The following PTK7 variants were observed in gnomAD, a reference collection of about 807,000 sequenced individuals.
PTK7 encodes the protein inactive tyrosine-protein kinase 7.
Under a neutral mutation model 116.6 loss-of-function variants are expected in PTK7, and 39 were observed. The observed-to-expected ratio is 0.33, with a 90% confidence interval of 0.26 to 0.44. The LOEUF is 0.44. PTK7 is among the 20% of genes least tolerant of loss of function. The pLI, the probability that PTK7 is intolerant of heterozygous loss-of-function variation, is 1.00. For synonymous variants in PTK7, 546 were observed against 563.6 expected, an observed-to-expected ratio of 0.97 and a Z score of 0.44; for missense variants, 1,169 against 1,425.6, an observed-to-expected ratio of 0.82 and a Z score of 2.90.
intron 1 of PTK7, among the ~76,000 whole-genome samples, chr6:43,077,230 G>T (rs532472123): frequency 6.6e-6 from 1 of 152,246 alleles, no homozygotes; most frequent in African/African-American, 2.4e-5. Context: ...GGCCGAATCC[G>T]GGGATCCGAG....
At chr6:43,144,796 C>T (rs1770631876) in intron 15 of PTK7, 190 bp downstream of exon 15, 1 of 591,432 alleles carries the variant, frequency 1.7e-6, no homozygotes, top group South Asian at 3.3e-5. Flanking sequence ...CAGATTTTGT[C>T]ATTCCTGTGT....
chr6:43,117,805 G>A (rs931295437), intron 1 of PTK7, among the ~76,000 whole-genome samples: 1 of 151,912 alleles, frequency 6.6e-6, no homozygotes, highest in African/African-American at 2.4e-5. Flanking sequence ...GCATGGTGAC[G>A]GGTGCCTGTA....
chr6:43,150,632 A>T (rs569033966), intron 17 of PTK7, among the ~76,000 whole-genome samples: 8 of 152,208 alleles, frequency 5.3e-5, no homozygotes, highest in Admixed American at 5.2e-4. Context: ...CAGAGAATCA[A>T]GCAAGGTTGG....
chr6:43,157,353 TATATATA>T (rs1177708347), intron 17 of PTK7, among the ~76,000 whole-genome samples: 223 of 10,304 alleles, frequency 0.022, 29 homozygotes, highest in South Asian at 0.095. Context: ...TATATATATA[TATATATA>T]TATATTTTTT....
Position 43,160,997 on chromosome 6 carries a change from A to G in PTK7, c.*116A>G. ...GCCCTGAGGCCCCTGCCCTAGTGCA[A>G]CAGGCATTGCTGAGGTCTGAGCAGG... On this transcript the variant is annotated 3_prime_UTR_variant, in exon 20 of 20. Coordinates refer to ENST00000230419, the MANE Select transcript of PTK7 (RefSeq NM_002821.5). 7.3e-7 allele frequency: 1 copy of G among 1,368,524 alleles called. No individual in the cohort carries two copies. Among genetic ancestry groups the G allele is most frequent in the Non-Finnish European group, 9.8e-7 (1 of 1,022,456 alleles). The allele number at this position is 1,368,524 out of a possible 1,614,324, so 84.8% of individuals were successfully genotyped here. A position where few individuals can be genotyped will look rare whatever the true frequency, so the allele number is the denominator to read the frequency against.
In PTK7 at chr6:43,130,618, C is replaced by A. The variant is rs1004421948; in HGVS notation, c.769C>A (p.Gln257Lys). 2 of 1,614,218 alleles carry A rather than the reference C, an allele frequency of 1.2e-6. No individual in the cohort carries two copies. Among genetic ancestry groups the A allele is most frequent in the Non-Finnish European group, 8.5e-7 (1 of 1,180,038 alleles). The change falls in exon 5 of 20, where the codon CAG (glutamine) becomes AAG (lysine). Residue 257 changes from glutamine to lysine, a missense_variant. Physicochemically the swap from Gln to Lys is moderately conservative, Grantham distance 53. Coordinates refer to ENST00000230419, the MANE Select transcript of PTK7 (RefSeq NM_002821.5). ...QFSAQPPPSL[Q>K]WLFEDETPIT... ...CTCAGCCCAGCCACCCCCGAGCCTG[C>A]AGTGGCTCTTTGAGGATGAGACTCC...
intron 1 of PTK7, among the ~76,000 whole-genome samples, chr6:43,116,649 T>TGC (rs1212265599): frequency 1.1e-3 from 80 of 73,568 alleles, no homozygotes; most frequent in Admixed American, 3.8e-3. Flanking sequence ...TGTGTGTGTG[T>TGC]GTGCGCGCGC....
At chr6:43,154,502 C>T (rs966540176) in intron 17 of PTK7, among the ~76,000 whole-genome samples, 3 of 152,266 alleles carry the variant, frequency 2.0e-5, no homozygotes, top group South Asian at 2.1e-4. Flanking sequence ...AAAATGAAAA[C>T]ATTTCATGAA....
chr6:43,097,464 A>G (rs556409618), intron 1 of PTK7, among the ~76,000 whole-genome samples: 1 of 152,326 alleles, frequency 6.6e-6, no homozygotes, highest in East Asian at 1.9e-4. Flanking sequence ...AACGTGTCAA[A>G]ATTACATAGA....
rs28513427 is a variant in PTK7 at position 43,127,338 on chromosome 6, C to T, written c.80-1639C>T. 2.3e-3 allele frequency among the ~76,000 whole-genome samples: 351 copies of T among 152,320 alleles called. 3 individuals are homozygous for T. The highest frequency in any genetic ancestry group is 7.3e-3 in the African/African-American group (302 of 41,584). On this transcript the variant is annotated intron_variant, in intron 1 of 19. Coordinates refer to ENST00000230419, the MANE Select transcript of PTK7 (RefSeq NM_002821.5). ...TCCAGGCCTCTGCAAGTCGCCCACG[C>T]GGGCTAGGAACAAAGTCCAGTGTGT...
At chr6:43,138,708 T>C in intron 7 of PTK7, 141 bp from the exon 8 acceptor site, 1 of 1,243,940 alleles carries the variant, frequency 8.0e-7, no homozygotes, top group African/African-American at 1.5e-5. Flanking sequence ...GGGTCTTCCG[T>C]AAAGGGAAAC....
rs1430218096 is a variant in PTK7 at position 43,143,384 on chromosome 6, G to T, written c.2048-33G>T. ...GAAGCAGGGCTTCTTTTGCTTAGCA[G>T]CCCCTGCCCAGACCCATCTGTGTGT... On this transcript the variant is annotated intron_variant, in intron 13 of 19. Transcript: ENST00000230419. The surrounding 1 kb of genome is among the most constrained non-coding windows in gnomAD (Gnocchi z 4.2). 1 of 1,598,838 alleles carries T rather than the reference G, an allele frequency of 6.3e-7. No homozygotes were observed. Among genetic ancestry groups the T allele is most frequent in the Non-Finnish European group, 8.5e-7 (1 of 1,172,272 alleles).
At chr6:43,101,131 C>A (rs1767550671) in intron 1 of PTK7, among the ~76,000 whole-genome samples, 1 of 151,818 alleles carries the variant, frequency 6.6e-6, no homozygotes, top group Admixed American at 6.6e-5. Context: ...ACTCCGGAAG[C>A]TTGAACCCGG....
intron 1 of PTK7, among the ~76,000 whole-genome samples, chr6:43,082,365 A>G (rs1766427801): frequency 6.6e-6 from 1 of 152,040 alleles, no homozygotes; most frequent in Non-Finnish European, 1.5e-5. Context: ...TTTAGTAGAG[A>G]CAGGGTTTCA....
At chr6:43,157,412 G>T (rs1582232205) in intron 17 of PTK7, among the ~76,000 whole-genome samples, 5 of 95,074 alleles carry the variant, frequency 5.3e-5, no homozygotes, top group Admixed American at 1.5e-4. Flanking sequence ...GTCTCACTAT[G>T]TTGCCCAGAC....
chr6:43,118,468 G>A (rs944036627), intron 1 of PTK7, among the ~76,000 whole-genome samples: 12 of 151,648 alleles, frequency 7.9e-5, no homozygotes, highest in Middle Eastern at 3.4e-3. Context: ...CTCAGGAGGC[G>A]GGGGTTGCAG....
Position 43,143,713 on chromosome 6 carries a change from C to G in PTK7, c.2251+93C>G. On this transcript the variant is annotated intron_variant, in intron 14 of 19. Transcript: ENST00000230419. This position sits in a 1 kb window ranked among gnomAD's most constrained non-coding sequence, Gnocchi z 4.2. The stretch of plus-strand genomic sequence containing the variant: ...GGGGAGAGCGCCAGCACTCTGGAAA[C>G]CGAGCGGCTGTTGCTGGGTCCTGGA... 2 of 1,361,692 alleles carry G rather than the reference C, an allele frequency of 1.5e-6. No individual in the cohort carries two copies. Among genetic ancestry groups the G allele is most frequent in the Non-Finnish European group, 2.0e-6 (2 of 1,009,184 alleles). The allele number at this position is 1,361,692 out of a possible 1,614,324, so 84.4% of individuals were successfully genotyped here.
Position 43,139,041 on chromosome 6 carries a change from C to CTG in PTK7, c.1362+62_1362+63dup, listed in dbSNP as rs1770221454. ...GGGCCTTCCCTCCACTTGCCCTCTT[C>CTG]TGTGCTCACCTCCATAGCACTCTTA... On this transcript the variant is annotated intron_variant, in intron 8 of 19. Transcript: ENST00000230419. This position sits in a 1 kb window ranked among gnomAD's most constrained non-coding sequence, Gnocchi z 4.6. 6.2e-7 allele frequency: 1 copy of CTG among 1,607,200 alleles called. No homozygotes were observed.
At position 43,143,406 on chromosome 6, in the gene PTK7, G is replaced by C; in HGVS notation, c.2048-11G>C. On this transcript the variant is annotated splice_polypyrimidine_tract_variant and intron_variant, in intron 13 of 19. Transcript: ENST00000230419. The surrounding 1 kb of genome is among the most constrained non-coding windows in gnomAD (Gnocchi z 4.2). ...GCAGCCCCTGCCCAGACCCATCTGT[G>C]TGTCTCTCAGACAAGCCTGTGCCGG... 1 of 1,613,130 alleles carries C rather than the reference G, an allele frequency of 6.2e-7. No individual in the cohort carries two copies. The highest frequency in any genetic ancestry group is 1.7e-4 in the Middle Eastern group (1 of 6,054).
Sources: gnomAD v4.1 joint callset for allele counts (sites outside exome capture counted in the v4.1 genomes callset) on GRCh38, gnomAD v4.1.1 for gene constraint, Gnocchi (gnomAD v3.1) non-coding constraint, MANE v1.5 for transcripts, NCBI Gene and HGNC (gene_info 2026-07-23, HGNC 2026-07-21) for gene names.